ATP6V1B2: variants seen among roughly 807,000 people sequenced by gnomAD.
ATP6V1B2 encodes V-type proton ATPase subunit B, brain isoform.
ATP6V1B2 carries 23 observed loss-of-function variants against 66.7 expected under a neutral mutation model. The ratio of observed to expected loss-of-function variants is 0.34; its 90% CI spans 0.25 to 0.49. The LOEUF (loss-of-function observed/expected upper bound fraction) is 0.49. Among genes scored for constraint, ATP6V1B2 ranks in the 20% least tolerant of loss-of-function variants. The pLI, the probability that ATP6V1B2 is intolerant of heterozygous loss-of-function variation, is 0.99. For synonymous variants in ATP6V1B2, 278 were observed against 236.7 expected (o/e 1.17, Z -1.60); for missense variants, 478 against 650.8 (o/e 0.73, Z 2.89).
intron 9 of ATP6V1B2, 162 bp from the exon 10 acceptor site, chr8:20,214,656 T>G: frequency 1.3e-6 from 1 of 788,356 alleles, no homozygotes; most frequent in Non-Finnish European, 1.7e-6. Context: ...TACTTTGAAT[T>G]TATGTTGCCG....
chr8:20,203,178 T>C (rs1015390704), intron 1 of ATP6V1B2, among the ~76,000 whole-genome samples: 9 of 152,162 alleles, frequency 5.9e-5, no homozygotes, highest in African/African-American at 1.9e-4. Context: ...TTGCTTTTTA[T>C]CTAAAGTGGG....
At position 20,220,514 on chromosome 8, in the gene ATP6V1B2, A is replaced by C. The variant is rs993820769; in HGVS notation, c.*112A>C. On this transcript the variant is annotated 3_prime_UTR_variant, in exon 14 of 14. Coordinates refer to ENST00000276390, the MANE Select transcript of ATP6V1B2 (RefSeq NM_001693.4). ...GTTGGAGTTTACCATGTTACCCTGT[A>C]ATTAAAAACAAAGAATAGGTAACAT... 1 of 1,369,432 alleles carries C rather than the reference A, an allele frequency of 7.3e-7. No individual in the cohort carries two copies. Among genetic ancestry groups the C allele is most frequent in the African/African-American group, 1.5e-5 (1 of 66,718 alleles). The allele number at this position is 1,369,432 out of a possible 1,614,324, so 84.8% of individuals were successfully genotyped here.
At position 20,210,452 on chromosome 8, in the gene ATP6V1B2, T is replaced by G; in HGVS notation, c.385+13T>G. ...GAGGATATGCTTGGTAAATGGATAT[T>G]ATTCATTCTAAGCCGAGATCTGTTT... On this transcript the variant is annotated intron_variant, in intron 4 of 13. Coordinates refer to ENST00000276390, the MANE Select transcript of ATP6V1B2 (RefSeq NM_001693.4). 6.2e-7 allele frequency: 1 copy of G among 1,611,322 alleles called. No homozygotes were observed. The highest frequency in any genetic ancestry group is 8.5e-7 in the Non-Finnish European group (1 of 1,177,622).
At chr8:20,216,261 G>A in intron 10 of ATP6V1B2, 152 bp from the exon 11 acceptor site, 1 of 604,228 alleles carries the variant, frequency 1.7e-6, no homozygotes, top group Non-Finnish European at 2.9e-6. Context: ...AACATTGGCA[G>A]CATCACAGAA....
intron 2 of ATP6V1B2, among the ~76,000 whole-genome samples, chr8:20,205,146 C>G (rs1425273715): frequency 6.6e-6 from 1 of 152,124 alleles, no homozygotes; most frequent in Non-Finnish European, 1.5e-5. Flanking sequence ...ACAGCCTCCT[C>G]TTTTGTTTTC....
chr8:20,210,501 G>A (rs984339839), intron 4 of ATP6V1B2, 62 bp downstream of exon 4: 4 of 1,605,212 alleles, frequency 2.5e-6, no homozygotes, highest in Non-Finnish European at 3.4e-6. Context: ...TTTCCATAAT[G>A]TCTTTTAAAA....
chr8:20,197,467 A>AC lies in ATP6V1B2; in HGVS notation c.63dup (p.Gly22ArgfsTer43). ...GGCCGCACCCGAGCTACCCGTGCCCACCGGTGGGCCGGCGGTGGGAGCTCG... is the reference window on the plus strand; with the variant it reads ...GGCCGCACCCGAGCTACCCGTGCCCACCCGGTGGGCCGGCGGTGGGAGCTCG... On this transcript the variant is annotated frameshift_variant, in exon 1 of 14. Coordinates refer to ENST00000276390, the MANE Select transcript of ATP6V1B2 (RefSeq NM_001693.4). LOFTEE classifies it high-confidence loss of function. 6.6e-7 allele frequency: 1 copy of AC among 1,526,332 alleles called. No individual in the cohort carries two copies. Among genetic ancestry groups the AC allele is most frequent in the East Asian group, 2.7e-5 (1 of 37,712 alleles). 94.5% of individuals were successfully genotyped at this position (1,526,332 alleles called of 1,614,324 possible).
At chr8:20,204,873 C>T (rs901937432) in intron 2 of ATP6V1B2, among the ~76,000 whole-genome samples, 13 of 152,122 alleles carry the variant, frequency 8.5e-5, no homozygotes, top group African/African-American at 2.7e-4. Context: ...TTGTGCTTGG[C>T]GTGTGACCCC....
chr8:20,219,979 A>G (rs1229857167), intron 13 of ATP6V1B2, among the ~76,000 whole-genome samples: 1 of 152,150 alleles, frequency 6.6e-6, no homozygotes, highest in Non-Finnish European at 1.5e-5. Context: ...TCCATTGCTC[A>G]AGTATCCTAC....
At position 20,212,067 on chromosome 8, in the gene ATP6V1B2, C is replaced by T. The variant is rs761245266; in HGVS notation, c.706-35C>T. 3 of 1,559,022 alleles carry T rather than the reference C, an allele frequency of 1.9e-6. No homozygotes were observed. The East Asian group carries it at 6.8e-5, about 35-fold the overall frequency. ...TCAGAAATAAATGTTAAGGATTTTT[C>T]TTCTCCCAGCACTGATGAAGTTATT... On this transcript the variant is annotated intron_variant, in intron 7 of 13. Coordinates refer to ENST00000276390, the MANE Select transcript of ATP6V1B2 (RefSeq NM_001693.4).
intron 1 of ATP6V1B2, among the ~76,000 whole-genome samples, chr8:20,203,624 T>C (rs1301969069): frequency 6.6e-6 from 1 of 152,186 alleles, no homozygotes; most frequent in Non-Finnish European, 1.5e-5. Context: ...TTGTTCTGCT[T>C]ATGAAATTTA....
chr8:20,216,982 G>T (rs971791810), intron 11 of ATP6V1B2: 18 of 485,986 alleles, frequency 3.7e-5, no homozygotes, highest in African/African-American at 3.3e-4. Flanking sequence ...AAATAGTCTT[G>T]TACAGTGTTA....
At position 20,220,249 on chromosome 8, in the gene ATP6V1B2, C is replaced by G. The variant is rs761273124; in HGVS notation, c.1397-14C>G. The G allele has an allele frequency of 1.2e-6, 2 of 1,602,500 alleles. No homozygotes were observed. The highest frequency in any genetic ancestry group is 8.5e-7 in the Non-Finnish European group (1 of 1,176,334). On this transcript the variant is annotated splice_polypyrimidine_tract_variant and intron_variant, in intron 13 of 13. Coordinates refer to ENST00000276390, the MANE Select transcript of ATP6V1B2 (RefSeq NM_001693.4). ...AGTCATTTGCATTTATTAATTCAAT[C>G]TCAATTTTTTAAGGTCCTTACGAAA... is the stretch of plus-strand genomic sequence containing the variant.
intron 1 of ATP6V1B2, 24 bp downstream of exon 1, chr8:20,197,566 C>A: frequency 4.4e-6 from 6 of 1,351,866 alleles, no homozygotes; most frequent in Non-Finnish European, 5.8e-6. Flanking sequence ...AGTAATACGT[C>A]TCCGGTCTTT....
At chr8:20,200,283 GC>G (rs1381275646) in intron 1 of ATP6V1B2, among the ~76,000 whole-genome samples, 13 of 152,084 alleles carry the variant, frequency 8.5e-5, no homozygotes, top group African/African-American at 3.1e-4. Context: ...CTCTCAAAGT[GC>G]TGGGATTACA....
chr8:20,197,398 G>T lies in ATP6V1B2; in HGVS notation c.-9G>T. The T allele has an allele frequency of 6.5e-7, 1 of 1,533,152 alleles. No individual in the cohort carries two copies. Among genetic ancestry groups the T allele is most frequent in the Non-Finnish European group, 8.8e-7 (1 of 1,141,212 alleles). The allele number at this position is 1,533,152 out of a possible 1,614,324, so 95.0% of individuals were successfully genotyped here. A position where few individuals can be genotyped will look rare whatever the true frequency, so the allele number is the denominator to read the frequency against. On this transcript the variant is annotated 5_prime_UTR_variant, in exon 1 of 14. The change creates a new upstream start codon in the 5' untranslated region. Coordinates refer to ENST00000276390, the MANE Select transcript of ATP6V1B2 (RefSeq NM_001693.4). ...TCGCTGCTGGGCCAGTCGGGACAGA[G>T]GAGACAAGATGGCGCTGCGGGCGAT...
chr8:20,212,487 G>C (rs1427897082), intron 8 of ATP6V1B2, among the ~76,000 whole-genome samples: 2 of 152,102 alleles, frequency 1.3e-5, no homozygotes, highest in South Asian at 4.1e-4. Context: ...CTCTGTAAAT[G>C]ATTTTTTCCT....
At position 20,210,420 on chromosome 8, in the gene ATP6V1B2, G is replaced by A. The variant is rs773659285; in HGVS notation, c.366G>A (p.Pro122=). Residue 122 remains proline, a synonymous_variant, in exon 4 of 14, where the codon CCG becomes CCA. Coordinates refer to ENST00000276390, the MANE Select transcript of ATP6V1B2 (RefSeq NM_001693.4). ...TTACTGGGGATATTCTCCGAACACC[G>A]GTGTCTGAGGATATGCTTGGTAAAT... ...CEFTGDILRT[P]VSEDMLGRVF... The A allele has an allele frequency of 1.7e-5, 27 of 1,613,332 alleles. No individual in the cohort carries two copies. Among genetic ancestry groups the A allele is most frequent in the Middle Eastern group, 3.3e-4 (2 of 6,070 alleles).
At position 20,211,558 on chromosome 8, in the gene ATP6V1B2, A is replaced by G. The variant is rs537725103; in HGVS notation, c.604-94A>G. The G allele has an allele frequency of 1.9e-5, 27 of 1,389,936 alleles. No individual in the cohort carries two copies. The South Asian group carries it at 1.9e-4, about 10-fold the overall frequency. The allele number at this position is 1,389,936 out of a possible 1,614,324, so 86.1% of individuals were successfully genotyped here. Reference sequence around the variant, plus strand: ...ACCCTAAAACATCCTGGTTTCGTTTATGATTACGATTCCAAAAAGTTTATG... The same window carrying G: ...ACCCTAAAACATCCTGGTTTCGTTTGTGATTACGATTCCAAAAAGTTTATG... On this transcript the variant is annotated intron_variant, in intron 6 of 13. Coordinates refer to ENST00000276390, the MANE Select transcript of ATP6V1B2 (RefSeq NM_001693.4).
Sources: allele counts gnomAD v4.1 joint callset (sites outside exome capture counted in the v4.1 genomes callset), GRCh38; gene constraint gnomAD v4.1.1; transcripts MANE v1.5; gene names NCBI Gene and HGNC (gene_info 2026-07-23, HGNC 2026-07-21).